The following TMPRSS11F variants were observed in gnomAD, a reference collection of about 807,000 sequenced individuals.
TMPRSS11F encodes the protein transmembrane protease serine 11F.
In TMPRSS11F, 47 loss-of-function variants were observed where a neutral mutation model predicts 60.2. That is an observed-to-expected ratio of 0.78 (90% CI 0.62 to 1.00). The LOEUF is 1.00. TMPRSS11F is among the 50% of genes least tolerant of loss of function. TMPRSS11F has a pLI of 0.00. For missense variants in TMPRSS11F, 519 were observed against 522.9 expected (o/e 0.99, Z 0.07); for synonymous variants, 166 against 167.3 (o/e 0.99, Z 0.06).
chr4:68,127,473 A>G (rs1201086273), intron 1 of TMPRSS11F, among the ~76,000 whole-genome samples: 1 of 152,046 alleles, frequency 6.6e-6, no homozygotes, highest in Non-Finnish European at 1.5e-5. Flanking sequence ...AGGGCACCAA[A>G]TACAGGGACC....
intron 2 of TMPRSS11F, among the ~76,000 whole-genome samples, chr4:68,096,464 T>C (rs1724077642): frequency 6.6e-6 from 1 of 152,208 alleles, no homozygotes; most frequent in Non-Finnish European, 1.5e-5. Flanking sequence ...TTTATGGAGT[T>C]GTAAAAATAA....
At chr4:68,122,117 T>C (rs1724635926) in intron 1 of TMPRSS11F, among the ~76,000 whole-genome samples, 1 of 152,218 alleles carries the variant, frequency 6.6e-6, no homozygotes, top group East Asian at 1.9e-4. Context: ...TCTCAAGATG[T>C]TTAAAAAGAT....
At chr4:68,071,456 C>T (rs1247655082) in intron 5 of TMPRSS11F, among the ~76,000 whole-genome samples, 2 of 152,064 alleles carry the variant, frequency 1.3e-5, no homozygotes, top group Admixed American at 1.3e-4. Flanking sequence ...TTAGAAGTAA[C>T]TAAACTTGGA....
At chr4:68,062,812 T>C in intron 8 of TMPRSS11F, 1 of 756,004 alleles carries the variant, frequency 1.3e-6, no homozygotes, top group South Asian at 1.3e-5. Flanking sequence ...TGGACATCTC[T>C]TGATCCGTGG....
chr4:68,074,334 A>T (rs946660437), intron 3 of TMPRSS11F, among the ~76,000 whole-genome samples: 1 of 152,228 alleles, frequency 6.6e-6, no homozygotes, highest in Non-Finnish European at 1.5e-5. Context: ...AAGTGAAATT[A>T]TGTCACATAT....
At position 68,068,503 on chromosome 4, in the gene TMPRSS11F, T is replaced by G. The variant is rs1723377161; in HGVS notation, c.755+115A>C. 9.9e-6 allele frequency: 8 copies of G among 811,084 alleles called. No homozygotes were observed. The South Asian group carries it at 1.3e-4, about 13-fold the overall frequency. 50.2% of individuals were successfully genotyped at this position (811,084 alleles called of 1,614,324 possible). A position where few individuals can be genotyped will look rare whatever the true frequency, so the allele number is the denominator to read the frequency against. ...ATAATCCATTTAGGGGACAGCTAGGTCTACCCTGAATGGAGCAAAGGTTAA... is the reference window on the plus strand; with the variant it reads ...ATAATCCATTTAGGGGACAGCTAGGGCTACCCTGAATGGAGCAAAGGTTAA... On this transcript the variant is annotated intron_variant, in intron 7 of 9. Coordinates refer to ENST00000356291, the MANE Select transcript of TMPRSS11F (RefSeq NM_207407.2).
rs775684389 is a variant in TMPRSS11F at position 68,072,325 on chromosome 4, G to A, written c.512C>T (p.Thr171Ile). The stretch of plus-strand genomic sequence containing the variant: ...GCAAATAAAAATAAAAGACTTACGT[G>A]TGAGTCTAAATGATGGTTTGTTTAT... ...LTINKPSFRL[T>I]PIDSKKMRNL... The change falls in exon 5 of 10, where the codon ACA becomes ATA. Residue 171 changes from threonine to isoleucine, a missense_variant and splice_region_variant. Physicochemically the swap from Thr to Ile is moderately conservative, Grantham distance 89 (BLOSUM62 -1). Transcript: ENST00000356291. The A allele has an allele frequency of 7.1e-6, 11 of 1,552,578 alleles. No homozygotes were observed. The highest frequency in any genetic ancestry group is 9.6e-6 in the Non-Finnish European group (11 of 1,147,406).
Position 68,068,669 on chromosome 4 carries a change from G to C in TMPRSS11F, c.704C>G (p.Ala235Gly), listed in dbSNP as rs367544545. 4 of 1,614,172 alleles carry C rather than the reference G, an allele frequency of 2.5e-6. No individual in the cohort carries two copies. The highest frequency in any genetic ancestry group is 1.1e-5 in the South Asian group (1 of 91,084). Residue 235 changes from alanine to glycine, a missense_variant, in exon 7 of 10, where the codon GCC (alanine) becomes GGC (glycine). Coordinates refer to ENST00000356291, the MANE Select transcript of TMPRSS11F (RefSeq NM_207407.2). ...CAGCCATGTGTTACTGATGAGGCTG[G>C]CTCCACACTGATGGCCTGACCCTAT... ...QLIGSGHQCG[A>G]SLISNTWLLT... is the part of the protein sequence containing the mutation.
intron 1 of TMPRSS11F, among the ~76,000 whole-genome samples, chr4:68,119,674 T>C (rs964959068): frequency 6.6e-6 from 1 of 152,158 alleles, no homozygotes; most frequent in Non-Finnish European, 1.5e-5. Flanking sequence ...TGAGACTTAT[T>C]GCTCCAAAAA....
At chr4:68,122,977 C>G (rs1320630569) in intron 1 of TMPRSS11F, among the ~76,000 whole-genome samples, 1 of 152,146 alleles carries the variant, frequency 6.6e-6, no homozygotes, top group African/African-American at 2.4e-5. Context: ...TACTATGTTC[C>G]TTGATAATGA....
chr4:68,054,704 T>C (rs4613616), intron 9 of TMPRSS11F, among the ~76,000 whole-genome samples: 113,482 of 151,828 alleles, frequency 0.75, 42,890 homozygotes, highest in East Asian at 0.88. Flanking sequence ...GCTTTCTGTG[T>C]CACTTCCTCA....
chr4:68,064,559 C>T, intron 8 of TMPRSS11F, 126 bp downstream of exon 8: 2 of 1,134,058 alleles, frequency 1.8e-6, no homozygotes, highest in East Asian at 4.8e-5. Context: ...CCTGTTCTGC[C>T]CAAGGCCACA....
At position 68,076,082 on chromosome 4, in the gene TMPRSS11F, C is replaced by A. The variant is rs577335462; in HGVS notation, c.283-2073G>T. Reference sequence around the variant, plus strand: ...TAGAAATTATGTTACAGTTAACAGACAAAAGTTTGCTTAAAGTTATACCTC... The same window carrying A: ...TAGAAATTATGTTACAGTTAACAGAAAAAAGTTTGCTTAAAGTTATACCTC... On this transcript the variant is annotated intron_variant, in intron 3 of 9. Transcript: ENST00000356291. Among the ~76,000 whole-genome samples the A allele has an allele frequency of 2.6e-5, 4 of 151,796 alleles. No homozygotes were observed. In the East Asian group the frequency reaches 7.7e-4, roughly 29 times the overall value.
chr4:68,095,174 T>C (rs1414341310), intron 2 of TMPRSS11F, among the ~76,000 whole-genome samples: 1 of 151,230 alleles, frequency 6.6e-6, no homozygotes, highest in Non-Finnish European at 1.5e-5. Context: ...AATATATGTA[T>C]ATTATATGTA....
At chr4:68,109,025 T>G (rs1365298748) in intron 1 of TMPRSS11F, among the ~76,000 whole-genome samples, 1 of 152,182 alleles carries the variant, frequency 6.6e-6, no homozygotes, top group Non-Finnish European at 1.5e-5. Context: ...CCTTCTAACT[T>G]CCTGAGAAAG....
At chr4:68,076,337 G>A (rs1723583724) in intron 3 of TMPRSS11F, among the ~76,000 whole-genome samples, 1 of 152,116 alleles carries the variant, frequency 6.6e-6, no homozygotes, top group Admixed American at 6.5e-5. Flanking sequence ...GATAGCAATA[G>A]CAACAGCTAA....
rs1376786517 is a variant in TMPRSS11F, at chr4:68,088,789, GC to G, written c.282+1733del. On this transcript the variant is annotated intron_variant, in intron 3 of 9. Transcript: ENST00000356291. The stretch of plus-strand genomic sequence containing the variant: ...TTCAAGCTGACAGCAATATCAAGAT[GC>G]AATCCCATTTACAATAGCCACAAAA... Among the ~76,000 whole-genome samples, 4 of 151,912 alleles carry G rather than the reference GC, an allele frequency of 2.6e-5. No homozygotes were observed. The East Asian group carries it at 5.8e-4, about 22-fold the overall frequency.
At chr4:68,099,869 A>T (rs1049679156) in intron 1 of TMPRSS11F, among the ~76,000 whole-genome samples, 35 of 152,184 alleles carry the variant, frequency 2.3e-4, no homozygotes, top group African/African-American at 8.2e-4. Context: ...TGGGATGCCC[A>T]CACTTTAAAA....
intron 1 of TMPRSS11F, among the ~76,000 whole-genome samples, chr4:68,123,079 G>A (rs1724653058): frequency 6.6e-6 from 1 of 152,172 alleles, no homozygotes; most frequent in Non-Finnish European, 1.5e-5. Flanking sequence ...GAAGAGAGCA[G>A]CTAATAATCC....
Sources: allele counts gnomAD v4.1 joint callset (sites outside exome capture counted in the v4.1 genomes callset), GRCh38; gene constraint gnomAD v4.1.1; transcripts MANE v1.5; gene names NCBI Gene and HGNC (gene_info 2026-07-23, HGNC 2026-07-21).